ACBD4: variants seen among roughly 807,000 people sequenced by gnomAD.
ACBD4 encodes the protein acyl-CoA binding domain containing 4, also known as acyl-CoA-binding domain-containing protein 4.
In ACBD4, 41 loss-of-function variants were observed where a neutral mutation model predicts 46.0. The ratio of observed to expected loss-of-function variants is 0.89; its 90% confidence interval spans 0.69 to 1.16. The LOEUF is 1.16. Among genes scored for constraint, ACBD4 ranks in the 50% most tolerant of loss-of-function variants. The pLI is 0.00. For synonymous variants in ACBD4, 162 were observed against 155.9 expected (o/e 1.04, Z -0.29); for missense variants, 393 against 399.5 (o/e 0.98, Z 0.14).
At chr17:45,132,701 T>C (rs2143633164), upstream of ACBD4, 1 of 202,574 alleles carries the variant, frequency 4.9e-6, no homozygotes, top group Admixed American at 6.0e-5. The surrounding 1 kb of genome is among the most constrained non-coding windows in gnomAD (Gnocchi z 4.6). Context: ...GAGCCTCTGA[T>C]CTTGGCCGCA....
At chr17:45,136,045 T>C (rs2054801179) in intron 1 of ACBD4, 63 bp from the exon 2 acceptor site, 1 of 1,271,900 alleles carries the variant, frequency 7.9e-7, no homozygotes, top group East Asian at 2.4e-5. Context: ...GGGAAGTGAA[T>C]CCTTGGCTTA....
At position 45,139,167 on chromosome 17, in the gene ACBD4, T is replaced by C; in HGVS notation, c.789+7T>C. The C allele has an allele frequency of 6.2e-7, 1 of 1,611,744 alleles. No homozygotes were observed. The highest frequency in any genetic ancestry group is 1.1e-5 in the South Asian group (1 of 91,022). ...GCCCCGGCCCCCTGAGCAGGTAGAGTCCCCCACCCCATAGGACAAGATGAT... is the reference window on the plus strand; with the variant it reads ...GCCCCGGCCCCCTGAGCAGGTAGAGCCCCCCACCCCATAGGACAAGATGAT... On this transcript the variant is annotated splice_region_variant and intron_variant, in intron 9 of 9. Coordinates refer to ENST00000321854, the MANE Select transcript of ACBD4 (RefSeq NM_001135705.3).
intron 9 of ACBD4, among the ~76,000 whole-genome samples, chr17:45,140,988 G>A (rs1377496176): frequency 2.6e-5 from 4 of 152,326 alleles, no homozygotes; most frequent in Admixed American, 2.6e-4. Context: ...ACTCCAGCCT[G>A]AGCTACAGAG....
chr17:45,134,127 G>A (rs115589570), upstream of ACBD4, among the ~76,000 whole-genome samples: 1,210 of 152,214 alleles, frequency 7.9e-3, 10 homozygotes, highest in African/African-American at 0.027. Flanking sequence ...TTCCAATTCC[G>A]CTTTTAGTTA....
At chr17:45,139,254 C>G in intron 9 of ACBD4, 94 bp downstream of exon 9, 1 of 1,265,906 alleles carries the variant, frequency 7.9e-7, no homozygotes, top group Non-Finnish European at 1.1e-6. Flanking sequence ...GTCCTCACGC[C>G]TCCACCTGCC....
At chr17:45,142,679 C>A (rs540213815) in intron 9 of ACBD4, 2 of 163,134 alleles carry the variant, frequency 1.2e-5, no homozygotes, top group Non-Finnish European at 2.7e-5. Flanking sequence ...CCTCAGCCTC[C>A]CGAGTAGCTG....
rs763719579 is a variant in ACBD4, at chr17:45,137,740, C to T, written c.503-20C>T. 1.9e-6 allele frequency: 3 copies of T among 1,613,864 alleles called. No individual in the cohort carries two copies. Among genetic ancestry groups the T allele is most frequent in the Admixed American group, 3.3e-5 (2 of 60,022 alleles). On this transcript the variant is annotated intron_variant, in intron 6 of 9. Coordinates refer to ENST00000321854, the MANE Select transcript of ACBD4 (RefSeq NM_001135705.3). ...TCCACAGCTTCCCTCTGGGCAGTAA[C>T]TCTACCAACCCCTCCACAGAGTCCC...
chr17:45,132,849 C>T (rs2054517499), upstream of ACBD4, among the ~76,000 whole-genome samples: 1 of 152,316 alleles, frequency 6.6e-6, no homozygotes, highest in Non-Finnish European at 1.5e-5. This position sits in a 1 kb window ranked among gnomAD's most constrained non-coding sequence, Gnocchi z 4.6. Flanking sequence ...TCCTCCTTCC[C>T]TTCCGCGTCC....
upstream of ACBD4, chr17:45,132,153 G>C: frequency 8.4e-7 from 1 of 1,187,576 alleles, no homozygotes; most frequent in Non-Finnish European, 1.1e-6. The surrounding 1 kb of genome is among the most constrained non-coding windows in gnomAD (Gnocchi z 4.6). Context: ...GCCCCGTGCA[G>C]CCTGGGGAAT....
chr17:45,143,266 A>G (rs2055406491), intron 9 of ACBD4, among the ~76,000 whole-genome samples, 177 bp from the exon 10 acceptor site: 1 of 152,160 alleles, frequency 6.6e-6, no homozygotes. Flanking sequence ...CTGGGGAGGA[A>G]GATGTGGGAG....
chr17:45,134,910 C>A (rs768015192), upstream of ACBD4, among the ~76,000 whole-genome samples: 5 of 152,062 alleles, frequency 3.3e-5, no homozygotes, highest in Non-Finnish European at 5.9e-5. Flanking sequence ...CATTTCCCCC[C>A]CTCCCCAGTA....
upstream of ACBD4, chr17:45,135,500 G>A (rs2054755272): frequency 6.6e-6 from 1 of 152,348 alleles, no homozygotes; most frequent in Non-Finnish European, 1.5e-5. Flanking sequence ...CCCGGGCTGG[G>A]AAGTCCGACC....
In ACBD4 at chr17:45,137,134, T is replaced by A. The variant is rs1411831755; in HGVS notation, c.410T>A (p.Val137Asp). 1 of 1,613,740 alleles carries A rather than the reference T, an allele frequency of 6.2e-7. No individual in the cohort carries two copies. Among genetic ancestry groups the A allele is most frequent in the East Asian group, 2.2e-5 (1 of 44,872 alleles). The part of the protein sequence containing the change: ...PRPPETFLRR[V>D]TGWKEQVVNG... ...CCCCCAGAGACCTTCCTGAGAAGGG[T>A]CACAGGTCAGACTCCCAGGCTGGGA... is the stretch of plus-strand genomic sequence containing the variant. Residue 137 changes from valine (V) to aspartate (D), a missense_variant, in exon 5 of 10, where the codon GTC (valine) becomes GAC (aspartate). Physicochemically the swap from Val to Asp is radical, Grantham distance 152 (BLOSUM62 -3). Transcript: ENST00000321854.
intron 9 of ACBD4, among the ~76,000 whole-genome samples, chr17:45,140,623 G>A (rs1482866695): frequency 1.8e-4 from 26 of 147,064 alleles, no homozygotes; most frequent in Admixed American, 1.6e-3. Flanking sequence ...CTGGGAGTTC[G>A]AGACCAGCCT....
chr17:45,141,021 A>T (rs188261225), intron 9 of ACBD4, among the ~76,000 whole-genome samples: 1 of 152,342 alleles, frequency 6.6e-6, no homozygotes, highest in Non-Finnish European at 1.5e-5. Context: ...TCAAAAACAA[A>T]CAAACAAAAA....
intron 6 of ACBD4, 94 bp downstream of exon 6, chr17:45,137,548 C>A: frequency 6.9e-7 from 1 of 1,445,516 alleles, no homozygotes; most frequent in Non-Finnish European, 9.6e-7. Flanking sequence ...TCCACAGACA[C>A]TGAGACTTCC....
At chr17:45,139,668 T>G (rs534443579) in intron 9 of ACBD4, among the ~76,000 whole-genome samples, 8 of 152,192 alleles carry the variant, frequency 5.3e-5, no homozygotes, top group Non-Finnish European at 1.2e-4. Context: ...ATGGGCATCT[T>G]CCCACTGAAT....
At chr17:45,135,989 C>T in intron 1 of ACBD4, 36 bp downstream of exon 1, 1 of 685,408 alleles carries the variant, frequency 1.5e-6, no homozygotes, top group Non-Finnish European at 2.4e-6. Context: ...CAACTTCTGA[C>T]CTCCCAGGGT....
chr17:45,137,505 G>A, intron 6 of ACBD4, 51 bp downstream of exon 6: 1 of 1,592,522 alleles, frequency 6.3e-7, no homozygotes, highest in Non-Finnish European at 8.6e-7. Context: ...GGGGAGGGCT[G>A]GAGGGGAGAA....
Sources: gnomAD v4.1 joint callset for allele counts (sites outside exome capture counted in the v4.1 genomes callset) on GRCh38, gnomAD v4.1.1 for gene constraint, Gnocchi (gnomAD v3.1) non-coding constraint, MANE v1.5 for transcripts, NCBI Gene and HGNC (gene_info 2026-07-23, HGNC 2026-07-21) for gene names.